Variants in SNX7 observed in about 807,000 individuals in gnomAD.
SNX7 encodes sorting nexin 7, also known as sorting nexin-7.
In SNX7, 35 loss-of-function variants were observed where a neutral mutation model predicts 48.4. The observed-to-expected ratio is 0.72, with a 90% confidence interval of 0.55 to 0.96. SNX7 has a LOEUF of 0.96. Among genes scored for constraint, SNX7 ranks in the 40% least tolerant of loss-of-function variants. The pLI, the probability that SNX7 is intolerant of heterozygous loss-of-function variation, is 0.00. For missense variants in SNX7, 553 were observed against 548.9 expected, an observed-to-expected ratio of 1.01 and a Z score of -0.07; for synonymous variants, 190 against 190.2, an observed-to-expected ratio of 1.00 and a Z score of 0.01.
At chr1:98,698,583 A>T in intron 5 of SNX7, 123 bp from the exon 6 acceptor site, 1 of 852,184 alleles carries the variant, frequency 1.2e-6, no homozygotes, top group Non-Finnish European at 1.8e-6. Context: ...CCGTTTTCTT[A>T]TGTTCTTGTG....
At chr1:98,755,202 A>G (rs752216625) in intron 8 of SNX7, among the ~76,000 whole-genome samples, 2 of 152,106 alleles carry the variant, frequency 1.3e-5, no homozygotes, top group Admixed American at 1.3e-4. Context: ...ATTTATCAAG[A>G]CTTATTGTAT....
chr1:98,680,755 C>T lies in SNX7; in HGVS notation c.181-4130C>T, dbSNP rs181344297. On this transcript the variant is annotated intron_variant, in intron 1 of 8. Transcript: ENST00000306121. The stretch of plus-strand genomic sequence containing the variant: ...CTTTGCTCCAGTTCCCAACAAGTTC[C>T]TCATCTCCATCTGTGATCACCTCAG... 1.1e-4 allele frequency among the ~76,000 whole-genome samples: 16 copies of T among 152,230 alleles called. No individual in the cohort carries two copies. The East Asian group carries it at 2.9e-3, about 28-fold the overall frequency.
At chr1:98,676,475 T>C (rs748977069) in intron 1 of SNX7, among the ~76,000 whole-genome samples, 3 of 152,212 alleles carry the variant, frequency 2.0e-5, no homozygotes, top group Non-Finnish European at 4.4e-5. Context: ...TGAACCTTCG[T>C]AATCTTTATG....
intron 7 of SNX7, among the ~76,000 whole-genome samples, chr1:98,712,345 T>A (rs1652357388): frequency 6.6e-6 from 1 of 152,162 alleles, no homozygotes; most frequent in African/African-American, 2.4e-5. Context: ...ATTTCTTAAA[T>A]AATAAGACTC....
rs78322904 is a variant in SNX7 at position 98,706,906 on chromosome 1, C to T, written c.1125+5003C>T. Among the ~76,000 whole-genome samples, 93 of 152,184 alleles carry T rather than the reference C, an allele frequency of 6.1e-4. 1 individual carries two copies. The highest frequency in any genetic ancestry group is 6.8e-3 in the Middle Eastern group (2 of 294). On this transcript the variant is annotated intron_variant, in intron 7 of 8. Transcript: ENST00000306121. ...CAGGTTTAATGGGGAAGATAATTTT[C>T]TCAGATTTGGAAAGGTAAAGTTTGA...
At chr1:98,703,277 A>G (rs1040869796) in intron 7 of SNX7, among the ~76,000 whole-genome samples, 1 of 152,142 alleles carries the variant, frequency 6.6e-6, no homozygotes, top group African/African-American at 2.4e-5. Context: ...CAGAATGTGC[A>G]ATTATTTCAT....
chr1:98,684,404 G>A lies in SNX7; in HGVS notation c.181-481G>A, dbSNP rs116698721. Among the ~76,000 whole-genome samples, 1,150 of 152,288 alleles carry A rather than the reference G, an allele frequency of 7.6e-3. 14 individuals are homozygous for A. The highest frequency in any genetic ancestry group is 0.026 in the African/African-American group (1,098 of 41,550). ...CAATATGCTGGCAGTTTTGGCCTCT[G>A]GCAAGGGATGCTCTCAGCTTCAAGA... On this transcript the variant is annotated intron_variant, in intron 1 of 8. Transcript: ENST00000306121.
intron 8 of SNX7, among the ~76,000 whole-genome samples, chr1:98,747,278 G>T (rs1206616521): frequency 1.3e-5 from 2 of 152,134 alleles, no homozygotes; most frequent in Non-Finnish European, 2.9e-5. Flanking sequence ...TTGGGTAATA[G>T]TGTTGATCTC....
rs374544407 is a variant in SNX7, at chr1:98,760,174, A to G, written c.*43A>G. 5.7e-4 allele frequency: 813 copies of G among 1,420,988 alleles called. 1 individual carries two copies. The highest frequency in any genetic ancestry group is 7.5e-4 in the Non-Finnish European group (753 of 1,005,198). The allele number at this position is 1,420,988 out of a possible 1,614,324, so 88.0% of individuals were successfully genotyped here. ...GTTTGATCTTTGGGAGACAGCATTT[A>G]TTAACCAAAGTTATTCTTTCTGGAT... On this transcript the variant is annotated 3_prime_UTR_variant, in exon 9 of 9. Coordinates refer to ENST00000306121, the MANE Select transcript of SNX7 (RefSeq NM_015976.5).
At chr1:98,720,445 A>G (rs1160571134) in intron 7 of SNX7, among the ~76,000 whole-genome samples, 1 of 152,136 alleles carries the variant, frequency 6.6e-6, no homozygotes, top group African/African-American at 2.4e-5. Flanking sequence ...CAGTAATATT[A>G]GAGTATTTCT....
In SNX7 at chr1:98,694,595, G is replaced by GA. The variant is rs1358634564; in HGVS notation, c.640-922dup. ...TTGCTCTACCACTTAATTGCTCTGGGATTTTTTTTTTTTTTTTTTTTTTTT... is the reference window on the plus strand; with the variant it reads ...TTGCTCTACCACTTAATTGCTCTGGGAATTTTTTTTTTTTTTTTTTTTTTTT... On this transcript the variant is annotated intron_variant, in intron 4 of 8. Coordinates refer to ENST00000306121, the MANE Select transcript of SNX7 (RefSeq NM_015976.5). 1.5e-3 allele frequency among the ~76,000 whole-genome samples: 105 copies of GA among 71,248 alleles called. 2 individuals carry two copies. Among genetic ancestry groups the GA allele is most frequent in the Non-Finnish European group, 2.1e-3 (74 of 35,478 alleles). 46.7% of individuals were successfully genotyped at this position (71,248 alleles called of 152,430 possible). A position where few individuals can be genotyped will look rare whatever the true frequency, so the allele number is the denominator to read the frequency against.
chr1:98,744,229 A>G (rs940136534), intron 8 of SNX7, among the ~76,000 whole-genome samples: 1 of 152,006 alleles, frequency 6.6e-6, no homozygotes, highest in Non-Finnish European at 1.5e-5. Context: ...AAAATTAGAT[A>G]AAAGTTAGTT....
rs370294657 is a variant in SNX7, at chr1:98,727,149, G to A, written c.1126-11088G>A. Among the ~76,000 whole-genome samples the A allele has an allele frequency of 3.3e-5, 5 of 152,218 alleles. No individual in the cohort carries two copies. The East Asian group carries it at 5.8e-4, about 18-fold the overall frequency. ...GGCGTGAACCCGGGACGTGGAGTGT[G>A]CAGCAAGCTGAGATTGCGCCACTGT... is the stretch of plus-strand genomic sequence containing the variant. On this transcript the variant is annotated intron_variant, in intron 7 of 8. Transcript: ENST00000306121.
chr1:98,681,154 A>G (rs750839619), intron 1 of SNX7, among the ~76,000 whole-genome samples: 9 of 152,214 alleles, frequency 5.9e-5, no homozygotes, highest in Non-Finnish European at 1.2e-4. Flanking sequence ...CAGCAGGCCG[A>G]AAGAACTTGT....
chr1:98,716,496 G>T (rs147946996), intron 7 of SNX7, among the ~76,000 whole-genome samples: 4 of 152,288 alleles, frequency 2.6e-5, no homozygotes, highest in Admixed American at 2.6e-4. Flanking sequence ...AGAGTTTATA[G>T]TTGCTCTCAA....
intron 1 of SNX7, among the ~76,000 whole-genome samples, chr1:98,674,358 C>T (rs1650042812): frequency 6.6e-6 from 1 of 152,122 alleles, no homozygotes; most frequent in African/African-American, 2.4e-5. Flanking sequence ...GAGTTGGTTC[C>T]TTCTGAGGGC....
chr1:98,700,862 T>C (rs531511886), intron 6 of SNX7, among the ~76,000 whole-genome samples: 1 of 152,274 alleles, frequency 6.6e-6, no homozygotes, highest in African/African-American at 2.4e-5. Flanking sequence ...TTTCTTTCCT[T>C]CTTCTTTAAA....
chr1:98,736,625 CACAG>C (rs1400866181), intron 7 of SNX7, among the ~76,000 whole-genome samples: 3 of 152,108 alleles, frequency 2.0e-5, no homozygotes, highest in Non-Finnish European at 4.4e-5. Context: ...AAAAATAAAA[CACAG>C]ACACAGACAT....
chr1:98,731,698 G>C (rs935068852), intron 7 of SNX7, among the ~76,000 whole-genome samples: 1 of 151,976 alleles, frequency 6.6e-6, no homozygotes, highest in Admixed American at 6.6e-5. Flanking sequence ...AACCTGTATA[G>C]CATGTTATTT....
Sources: allele counts gnomAD v4.1 joint callset (sites outside exome capture counted in the v4.1 genomes callset), GRCh38; gene constraint gnomAD v4.1.1; transcripts MANE v1.5; gene names NCBI Gene and HGNC (gene_info 2026-07-23, HGNC 2026-07-21).